Variants in KHDRBS2 observed in about 807,000 individuals in gnomAD.
KHDRBS2 encodes the protein KH domain-containing, RNA-binding, signal transduction-associated protein 2.
A neutral mutation model predicts 44.3 loss-of-function variants in KHDRBS2; 26 were observed. The observed-to-expected ratio is 0.59, with a 90% confidence interval of 0.43 to 0.81. The LOEUF is 0.81. Ranked by LOEUF, KHDRBS2 falls within the 40% of genes least tolerant of loss-of-function variation. The pLI, the probability that KHDRBS2 is intolerant of heterozygous loss-of-function variation, is 0.00. For synonymous variants in KHDRBS2, 194 were observed against 151.1 expected, an observed-to-expected ratio of 1.28 and a Z score of -2.08; for missense variants, 476 against 433.1, an observed-to-expected ratio of 1.10 and a Z score of -0.88.
At chr6:61,937,383 A>G (rs1479617264) in intron 4 of KHDRBS2, among the ~76,000 whole-genome samples, 2 of 152,014 alleles carry the variant, frequency 1.3e-5, no homozygotes, top group African/African-American at 4.8e-5. Context: ...TTCTTCTTGT[A>G]CATAGAAGAT....
the KHDRBS2 span, among the ~76,000 whole-genome samples, chr6:61,610,041 T>G: frequency 1.3e-5 from 2 of 151,890 alleles, no homozygotes; most frequent in Non-Finnish European, 2.9e-5. Context: ...CTGGGCGTGG[T>G]GGTTGGTGCC....
intron 6 of KHDRBS2, among the ~76,000 whole-genome samples, chr6:61,890,622 A>T (rs750292205): frequency 6.6e-6 from 1 of 152,218 alleles, no homozygotes; most frequent in Non-Finnish European, 1.5e-5. Flanking sequence ...CAAAAACACC[A>T]TAGTGACAAC....
chr6:62,176,931 T>C (rs1585072969), intron 2 of KHDRBS2, among the ~76,000 whole-genome samples: 1 of 151,320 alleles, frequency 6.6e-6, no homozygotes, highest in African/African-American at 2.4e-5. Flanking sequence ...CATTTATATT[T>C]TGAATAAATG....
chr6:61,694,825 C>G (rs193196087), intron 8 of KHDRBS2, among the ~76,000 whole-genome samples: 1 of 152,184 alleles, frequency 6.6e-6, no homozygotes, highest in Admixed American at 6.5e-5. Context: ...ATCAACTGAG[C>G]CAGAACTGTG....
At chr6:62,167,228 AAAG>A (rs1456367206) in intron 2 of KHDRBS2, among the ~76,000 whole-genome samples, 3 of 152,106 alleles carry the variant, frequency 2.0e-5, no homozygotes, top group South Asian at 2.1e-4. Flanking sequence ...TAGATGTAGA[AAAG>A]AAGGAGAGAC....
intron 2 of KHDRBS2, among the ~76,000 whole-genome samples, chr6:62,112,864 T>C (rs1481447800): frequency 1.3e-5 from 2 of 152,130 alleles, no homozygotes; most frequent in African/African-American, 4.8e-5. Context: ...TGATCTTCCC[T>C]GGAATTATCA....
At chr6:61,867,897 T>G (rs1798019687) in intron 6 of KHDRBS2, among the ~76,000 whole-genome samples, 1 of 151,768 alleles carries the variant, frequency 6.6e-6, no homozygotes, top group South Asian at 2.1e-4. Context: ...GGGACCCCAG[T>G]TGGGGTTGGG....
At chr6:61,884,947 C>T (rs1800729094) in intron 6 of KHDRBS2, among the ~76,000 whole-genome samples, 1 of 152,018 alleles carries the variant, frequency 6.6e-6, no homozygotes, top group Admixed American at 6.6e-5. Context: ...TATAATTTTG[C>T]ATTCCTTCTT....
Position 61,983,200 on chromosome 6 carries a change from T to TTTTCTTTCTTTTCTTTCTTTCCTTTC in KHDRBS2, c.337-4989_337-4988insGAAAGGAAAGAAAGAAAAGAAAGAAA, listed in dbSNP as rs553232983. Among the ~76,000 whole-genome samples, 22 of 46,010 alleles carry TTTTCTTTCTTTTCTTTCTTTCCTTTC rather than the reference T, an allele frequency of 4.8e-4. 1 individual carries two copies. The highest frequency in any genetic ancestry group is 1.9e-3 in the African/African-American group (20 of 10,608). The allele number at this position is 46,010 out of a possible 152,430, so 30.2% of individuals were successfully genotyped here. The stretch of plus-strand genomic sequence containing the variant: ...TTTTGAGTAATTAAAGTTTTTTTCA[T>TTTTCTTTCTTTTCTTTCTTTCCTTTC]TTTCTTTCTTTCTTTCTTTCTTTCT... On this transcript the variant is annotated intron_variant, in intron 3 of 8. Transcript: ENST00000281156.
intron 2 of KHDRBS2, among the ~76,000 whole-genome samples, chr6:62,064,932 C>G (rs1375516680): frequency 6.6e-5 from 10 of 151,202 alleles, no homozygotes; most frequent in African/African-American, 1.2e-4. Context: ...AACAAATTTA[C>G]AAGAAAAAAA....
At chr6:61,793,355 A>G (rs1257213795) in intron 6 of KHDRBS2, among the ~76,000 whole-genome samples, 4 of 152,058 alleles carry the variant, frequency 2.6e-5, no homozygotes, top group Non-Finnish European at 4.4e-5. Flanking sequence ...GATACACAAT[A>G]TGTGTACATG....
chr6:62,248,314 C>A (rs1246053876), intron 1 of KHDRBS2, among the ~76,000 whole-genome samples: 1 of 150,708 alleles, frequency 6.6e-6, no homozygotes, highest in African/African-American at 2.4e-5. Flanking sequence ...TGGGGCCCAG[C>A]AAAACATCTA....
chr6:61,768,892 G>A (rs1780403896), intron 6 of KHDRBS2, among the ~76,000 whole-genome samples: 1 of 152,048 alleles, frequency 6.6e-6, no homozygotes, highest in African/African-American at 2.4e-5. Flanking sequence ...AATTGGTGGA[G>A]TGTTCTATTC....
intron 2 of KHDRBS2, among the ~76,000 whole-genome samples, chr6:62,056,061 G>GT (rs2127319478): frequency 6.6e-6 from 1 of 152,092 alleles, no homozygotes; most frequent in East Asian, 2.0e-4. Context: ...TTTACGGCCT[G>GT]TTGGTGGAAC....
At chr6:61,769,262 T>C (rs1780461062) in intron 6 of KHDRBS2, among the ~76,000 whole-genome samples, 1 of 152,072 alleles carries the variant, frequency 6.6e-6, no homozygotes, top group African/African-American at 2.4e-5. Context: ...GATTTCGGCA[T>C]TTCCAACTGA....
intron 6 of KHDRBS2, among the ~76,000 whole-genome samples, chr6:61,888,000 A>G (rs1163078818): frequency 6.6e-6 from 1 of 152,216 alleles, no homozygotes; most frequent in African/African-American, 2.4e-5. Flanking sequence ...AATACAAGAC[A>G]GGTTTTCATA....
intron 2 of KHDRBS2, among the ~76,000 whole-genome samples, chr6:62,062,877 G>T (rs887074819): frequency 7.4e-5 from 11 of 148,468 alleles, no homozygotes; most frequent in Non-Finnish European, 1.2e-4. Flanking sequence ...TTGATAGACT[G>T]CTAGCAAGAC....
the KHDRBS2 span, among the ~76,000 whole-genome samples, chr6:61,647,423 T>A: frequency 0.024 from 3,729 of 152,260 alleles, 70 homozygotes; most frequent in Middle Eastern, 0.088. Context: ...TGTGTAATTA[T>A]CTATAATTAT....
chr6:62,108,627 G>T (rs1320337364), intron 2 of KHDRBS2, among the ~76,000 whole-genome samples: 2 of 152,126 alleles, frequency 1.3e-5, no homozygotes, highest in African/African-American at 4.8e-5. Context: ...AAATCATGTT[G>T]TTATAAAGAC....
Sources: gnomAD v4.1 joint callset for allele counts (sites outside exome capture counted in the v4.1 genomes callset) on GRCh38, gnomAD v4.1.1 for gene constraint, MANE v1.5 for transcripts, NCBI Gene and HGNC (gene_info 2026-07-23, HGNC 2026-07-21) for gene names.